PCDHA3: variants seen among roughly 807,000 people sequenced by gnomAD.
The protein encoded by PCDHA3 is protocadherin alpha 3.
In PCDHA3, 41 loss-of-function variants were observed where a neutral mutation model predicts 62.2. That is an observed-to-expected ratio of 0.66 (90% CI 0.51 to 0.86). PCDHA3 has a LOEUF of 0.86. Among genes scored for constraint, PCDHA3 ranks in the 40% least tolerant of loss-of-function variants. PCDHA3 has a pLI of 0.00. For missense variants in PCDHA3, 1,304 were observed against 1,241.2 expected (o/e 1.05, Z -0.76); for synonymous variants, 640 against 555.4 (o/e 1.15, Z -2.14).
intron 1 of PCDHA3, among the ~76,000 whole-genome samples, chr5:140,937,400 T>A (rs1210509586): frequency 6.6e-6 from 1 of 152,224 alleles, no homozygotes; most frequent in Non-Finnish European, 1.5e-5. Flanking sequence ...ATAGGGGTAT[T>A]GCACAACTTT....
At chr5:140,900,073 G>T (rs1490261769) in intron 1 of PCDHA3, among the ~76,000 whole-genome samples, 1 of 152,072 alleles carries the variant, frequency 6.6e-6, no homozygotes, top group African/African-American at 2.4e-5. Flanking sequence ...GCCTCCAAAA[G>T]TGCTGCAGTT....
intron 1 of PCDHA3, chr5:140,967,902 C>T: frequency 6.2e-7 from 1 of 1,614,192 alleles, no homozygotes; most frequent in East Asian, 2.2e-5. Flanking sequence ...GAGAATGCTA[C>T]ACCCAACACC....
intron 1 of PCDHA3, chr5:140,869,260 G>A (rs976245495): frequency 6.2e-7 from 1 of 1,613,638 alleles, no homozygotes; most frequent in Non-Finnish European, 8.5e-7. Context: ...GCAGGACCTG[G>A]GGCTGGAGCT....
chr5:140,875,810 C>T, intron 1 of PCDHA3: 1 of 1,614,106 alleles, frequency 6.2e-7, no homozygotes, highest in Non-Finnish European at 8.5e-7. Context: ...GTGGACAGGC[C>T]GCTGCAGGTT....
intron 1 of PCDHA3, chr5:140,850,691 C>A: frequency 1.3e-6 from 2 of 1,598,334 alleles, no homozygotes; most frequent in Non-Finnish European, 1.7e-6. Context: ...AGGGCGAGTG[C>A]GCGCCTGGCA....
intron 1 of PCDHA3, chr5:140,927,277 G>A (rs1554204290): frequency 6.2e-7 from 1 of 1,614,016 alleles, no homozygotes; most frequent in Non-Finnish European, 8.5e-7. Context: ...TGCCGGCGAC[G>A]TGCAGCTGCA....
chr5:140,945,022 A>G (rs926595272), intron 1 of PCDHA3, among the ~76,000 whole-genome samples: 2 of 152,140 alleles, frequency 1.3e-5, no homozygotes, highest in Non-Finnish European at 2.9e-5. Flanking sequence ...TTTTTTACTC[A>G]GACATAATTA....
At chr5:140,993,777 G>A (rs1397168086) in intron 3 of PCDHA3, among the ~76,000 whole-genome samples, 1 of 152,042 alleles carries the variant, frequency 6.6e-6, no homozygotes, top group Non-Finnish European at 1.5e-5. Flanking sequence ...GCAGTATTTT[G>A]TACAGTAACA....
chr5:140,841,238 G>T, intron 1 of PCDHA3: 1 of 1,482,530 alleles, frequency 6.7e-7, no homozygotes, highest in Non-Finnish European at 9.1e-7. Flanking sequence ...GAGATGCAGC[G>T]GAATTGGATT....
At chr5:140,958,667 TA>T (rs1310790364) in intron 1 of PCDHA3, among the ~76,000 whole-genome samples, 1 of 152,186 alleles carries the variant, frequency 6.6e-6, no homozygotes, top group African/African-American at 2.4e-5. Context: ...GATGAAATTT[TA>T]ATTATAAAGG....
intron 1 of PCDHA3, among the ~76,000 whole-genome samples, chr5:140,920,824 C>T (rs537294471): frequency 3.4e-5 from 5 of 145,004 alleles, no homozygotes; most frequent in Admixed American, 1.4e-4. Context: ...AGCCTGGCGA[C>T]GGAGCAAGAC....
intron 1 of PCDHA3, among the ~76,000 whole-genome samples, chr5:140,878,538 C>T (rs1001402199): frequency 3.9e-5 from 6 of 152,088 alleles, no homozygotes; most frequent in Non-Finnish European, 7.4e-5. Context: ...TGGCTCAAAC[C>T]AGTTTCAGAT....
At position 140,931,063 on chromosome 5, in the gene PCDHA3, A is replaced by C. The variant is rs1584700470; in HGVS notation, c.2395-47886A>C. Among the ~76,000 whole-genome samples, 4 of 152,202 alleles carry C rather than the reference A, an allele frequency of 2.6e-5. No individual in the cohort carries two copies. In the South Asian group the frequency reaches 8.3e-4, roughly 31 times the overall value. On this transcript the variant is annotated intron_variant, in intron 1 of 3. Coordinates refer to ENST00000522353, the MANE Select transcript of PCDHA3 (RefSeq NM_018906.3). ...GAAAAACTTCAATGCTGTGTCTGGGACTAAGTATGAGTCCAGTTCTACAGA... is the reference window on the plus strand; with the variant it reads ...GAAAAACTTCAATGCTGTGTCTGGGCCTAAGTATGAGTCCAGTTCTACAGA...
chr5:140,883,065 C>T, intron 1 of PCDHA3: 1 of 1,614,056 alleles, frequency 6.2e-7, no homozygotes, highest in Non-Finnish European at 8.5e-7. Flanking sequence ...AAGCTAAATG[C>T]CACAGATCCT....
intron 1 of PCDHA3, among the ~76,000 whole-genome samples, chr5:140,965,879 G>A (rs920261632): frequency 6.6e-6 from 1 of 152,216 alleles, no homozygotes; most frequent in Non-Finnish European, 1.5e-5. Flanking sequence ...ACTTGGCCGA[G>A]AGCAGAATTG....
At chr5:140,830,235 T>A in intron 1 of PCDHA3, 3 of 1,613,922 alleles carry the variant, frequency 1.9e-6, no homozygotes, top group Non-Finnish European at 2.5e-6. Flanking sequence ...GTCCTCACGC[T>A]ACTGCTGTAC....
intron 1 of PCDHA3, among the ~76,000 whole-genome samples, chr5:140,887,198 G>A (rs1276345927): frequency 2.6e-5 from 4 of 151,490 alleles, no homozygotes; most frequent in Admixed American, 2.6e-4. Flanking sequence ...CCGGGTTCAC[G>A]CCATTCTCCT....
At chr5:140,869,151 C>T in intron 1 of PCDHA3, 1 of 1,613,806 alleles carries the variant, frequency 6.2e-7, no homozygotes, top group South Asian at 1.1e-5. Context: ...GACTACAGCT[C>T]TGGCTTCTCC....
At position 140,850,183 on chromosome 5, in the gene PCDHA3, C is replaced by A. The variant is rs2150471701; in HGVS notation, c.2394+46592C>A. The A allele has an allele frequency of 1.8e-5, 29 of 1,593,776 alleles. 2 individuals carry two copies. In the South Asian group the frequency reaches 3.1e-4, roughly 17 times the overall value. On this transcript the variant is annotated intron_variant, in intron 1 of 3. Coordinates refer to ENST00000522353, the MANE Select transcript of PCDHA3 (RefSeq NM_018906.3). The stretch of plus-strand genomic sequence containing the variant: ...GTGCTGGACGAGAACGACAATGCGC[C>A]GGCGCTGCTGACACCTCGGATGAGG...
Sources: allele counts gnomAD v4.1 joint callset (sites outside exome capture counted in the v4.1 genomes callset), GRCh38; gene constraint gnomAD v4.1.1; transcripts MANE v1.5; gene names NCBI Gene and HGNC (gene_info 2026-07-23, HGNC 2026-07-21).